TGFA: variants seen among roughly 807,000 people sequenced by gnomAD.
The protein encoded by TGFA is transforming growth factor alpha.
TGFA carries 12 observed loss-of-function variants against 21.7 expected under a neutral mutation model. The observed-to-expected ratio is 0.55, with a 90% CI of 0.35 to 0.90. The LOEUF (loss-of-function observed/expected upper bound fraction) is 0.90, where lower values mean the gene tolerates loss of function less well. Among genes scored for constraint, TGFA ranks in the 40% least tolerant of loss-of-function variants. TGFA has a pLI of 0.01. For synonymous variants in TGFA, 79 were observed against 88.1 expected (o/e 0.90, Z 0.58); for missense variants, 178 against 210.8 (o/e 0.84, Z 0.96).
chr2:70,513,062 G>A (rs904442241), intron 2 of TGFA, among the ~76,000 whole-genome samples: 2 of 152,208 alleles, frequency 1.3e-5, no homozygotes, highest in Non-Finnish European at 2.9e-5. Flanking sequence ...TGGCTTAGAA[G>A]AGAACAGGGA....
At chr2:70,547,146 T>A (rs1229864115) in intron 1 of TGFA, among the ~76,000 whole-genome samples, 1 of 152,236 alleles carries the variant, frequency 6.6e-6, no homozygotes, top group Non-Finnish European at 1.5e-5. Flanking sequence ...TTGTATCGGT[T>A]AATATTCCCA....
At chr2:70,531,800 T>A (rs1672819810) in intron 1 of TGFA, among the ~76,000 whole-genome samples, 1 of 152,114 alleles carries the variant, frequency 6.6e-6, no homozygotes, top group African/African-American at 2.4e-5. Context: ...CTCTTAAGGG[T>A]AAAGTATGTC....
chr2:70,472,439 A>G (rs1051706947), intron 2 of TGFA, among the ~76,000 whole-genome samples: 1 of 152,180 alleles, frequency 6.6e-6, no homozygotes, highest in African/African-American at 2.4e-5. Flanking sequence ...TGCAGACACC[A>G]CTGCTCTCTG....
chr2:70,471,746 C>T (rs534770586), intron 2 of TGFA, among the ~76,000 whole-genome samples: 12 of 152,234 alleles, frequency 7.9e-5, no homozygotes, highest in East Asian at 5.8e-4. Flanking sequence ...GCAGGGTAGG[C>T]GGCCTGCTTT....
intron 1 of TGFA, among the ~76,000 whole-genome samples, chr2:70,526,426 G>A (rs1356474640): frequency 6.6e-6 from 1 of 152,126 alleles, no homozygotes; most frequent in African/African-American, 2.4e-5. Context: ...GGCCCCTAAT[G>A]TATCTCCCTC....
intron 1 of TGFA, among the ~76,000 whole-genome samples, chr2:70,547,801 A>G (rs1553506184): frequency 6.8e-6 from 1 of 147,926 alleles, no homozygotes; most frequent in Middle Eastern, 3.3e-3. Flanking sequence ...TATCTATACA[A>G]TATATACTAT....
intron 1 of TGFA, among the ~76,000 whole-genome samples, chr2:70,548,610 G>T (rs1673389615): frequency 1.3e-5 from 2 of 152,202 alleles, no homozygotes; most frequent in Admixed American, 6.5e-5. Context: ...GCTAGGCATA[G>T]AACTCACTTG....
At chr2:70,540,293 A>G (rs576002136) in intron 1 of TGFA, among the ~76,000 whole-genome samples, 2 of 152,322 alleles carry the variant, frequency 1.3e-5, no homozygotes, top group African/African-American at 4.8e-5. Context: ...TTCTAGTGCA[A>G]TAACACATTC....
At chr2:70,552,677 T>C (rs1345907572) in intron 1 of TGFA, among the ~76,000 whole-genome samples, 1 of 152,178 alleles carries the variant, frequency 6.6e-6, no homozygotes, top group East Asian at 1.9e-4. Flanking sequence ...CCCCCTGTAG[T>C]TGTACACGGA....
chr2:70,477,642 C>T (rs561723727), intron 2 of TGFA, among the ~76,000 whole-genome samples: 187 of 152,298 alleles, frequency 1.2e-3, no homozygotes, highest in Non-Finnish European at 2.4e-3. Context: ...ACATGCTCCA[C>T]TTGCAGGCTT....
At chr2:70,495,427 C>T (rs906325130) in intron 2 of TGFA, among the ~76,000 whole-genome samples, 2 of 152,078 alleles carry the variant, frequency 1.3e-5, no homozygotes, top group Admixed American at 6.6e-5. Flanking sequence ...AGTTAAGTTC[C>T]CCCTTATTCA....
intron 2 of TGFA, among the ~76,000 whole-genome samples, chr2:70,471,179 G>T (rs1461630233): frequency 3.3e-5 from 5 of 150,848 alleles, no homozygotes; most frequent in Admixed American, 6.7e-5. Context: ...CTTTGCGCAG[G>T]GTGCTGTCCT....
rs1670532844 is a variant in TGFA at position 70,465,653 on chromosome 2, A to G, written c.178T>C (p.Cys60Arg). ...SHTQFCFHGT[C>R]RFLVQEDKPA... ...TTGTCCTCCTGCACCAAAAACCTGC[A>G]GGTTCCATGGAAGCAGAACTGAGTG... is the stretch of plus-strand genomic sequence containing the variant. Residue 60 changes from cysteine (C) to arginine (R), a missense_variant, in exon 3 of 6, where the codon TGC (cysteine) becomes CGC (arginine). Physicochemically the swap from Cys to Arg is radical, Grantham distance 180 (BLOSUM62 -3). Transcript: ENST00000295400. 3 of 1,614,078 alleles carry G rather than the reference A, an allele frequency of 1.9e-6. No individual in the cohort carries two copies. The highest frequency in any genetic ancestry group is 1.7e-6 in the Non-Finnish European group (2 of 1,180,028).
chr2:70,476,147 G>C lies in TGFA; in HGVS notation c.95-10411C>G, dbSNP rs899918852. Reference sequence around the variant, plus strand: ...GGTCACGATTTTGCTTTGAGGACTGGAAGCTAAGCCTCCCCCTTTTCTTTT... The same window carrying C: ...GGTCACGATTTTGCTTTGAGGACTGCAAGCTAAGCCTCCCCCTTTTCTTTT... On this transcript the variant is annotated intron_variant, in intron 2 of 5. Transcript: ENST00000295400. Among the ~76,000 whole-genome samples, 7 of 148,888 alleles carry C rather than the reference G, an allele frequency of 4.7e-5. No homozygotes were observed. The Admixed American group carries it at 4.7e-4, about 10-fold the overall frequency.
chr2:70,551,074 A>ATG (rs139864373), intron 1 of TGFA, among the ~76,000 whole-genome samples: 66,604 of 151,886 alleles, frequency 0.44, 15,213 homozygotes, highest in East Asian at 0.6. Context: ...TAACAACAAC[A>ATG]ATGATGATGA....
At chr2:70,485,655 A>G (rs1247791160) in intron 2 of TGFA, among the ~76,000 whole-genome samples, 2 of 152,080 alleles carry the variant, frequency 1.3e-5, no homozygotes, top group Admixed American at 6.5e-5. Context: ...CCATTTTGAG[A>G]CTTTTTTCCC....
At position 70,448,994 on chromosome 2, in the gene TGFA, A is replaced by AGTCAAGCCTC. The variant is rs534312953; in HGVS notation, c.*1855_*1864dup. ...GATTGGTCTCTAAGCAGGATGCTACAGTCAAGCCTCAACCCACATATCTGG... is the reference window on the plus strand; with the variant it reads ...GATTGGTCTCTAAGCAGGATGCTACAGTCAAGCCTCGTCAAGCCTCAACCCACATATCTGG... On this transcript the variant is annotated 3_prime_UTR_variant, in exon 6 of 6. Coordinates refer to ENST00000295400, the MANE Select transcript of TGFA (RefSeq NM_003236.4). 2.5e-3 allele frequency: 377 copies of AGTCAAGCCTC among 152,340 alleles called. 1 individual carries two copies. The highest frequency in any genetic ancestry group is 8.2e-3 in the African/African-American group (341 of 41,582). 9.4% of individuals were successfully genotyped at this position (152,340 alleles called of 1,614,324 possible).
chr2:70,520,768 A>G (rs2103872491), intron 1 of TGFA, among the ~76,000 whole-genome samples: 1 of 152,202 alleles, frequency 6.6e-6, no homozygotes, highest in Middle Eastern at 3.4e-3. Flanking sequence ...ATATTCCCAT[A>G]GATGCTTCCC....
At chr2:70,534,216 G>A (rs141804123) in intron 1 of TGFA, among the ~76,000 whole-genome samples, 18 of 152,354 alleles carry the variant, frequency 1.2e-4, no homozygotes, top group African/African-American at 4.1e-4. Flanking sequence ...TGTGCTTTTT[G>A]TAGGTTCATG....
Sources: gnomAD v4.1 joint callset for allele counts (sites outside exome capture counted in the v4.1 genomes callset) on GRCh38, gnomAD v4.1.1 for gene constraint, MANE v1.5 for transcripts, NCBI Gene and HGNC (gene_info 2026-07-23, HGNC 2026-07-21) for gene names.